The following IFT80 variants were observed in gnomAD, a reference collection of about 807,000 sequenced individuals.
IFT80 encodes intraflagellar transport protein 80 homolog.
IFT80 carries 79 observed loss-of-function variants against 107.9 expected under a neutral mutation model. The observed-to-expected ratio is 0.73, with a 90% CI of 0.61 to 0.88. The LOEUF is 0.88. IFT80 is among the 40% of genes least tolerant of loss of function. The pLI is 0.00. For synonymous variants in IFT80, 299 were observed against 300.9 expected, an observed-to-expected ratio of 0.99 and a Z score of 0.07; for missense variants, 797 against 914.2, an observed-to-expected ratio of 0.87 and a Z score of 1.65.
chr3:160,354,687 A>C (rs952260368), intron 8 of IFT80, among the ~76,000 whole-genome samples: 1 of 152,088 alleles, frequency 6.6e-6, no homozygotes, highest in Non-Finnish European at 1.5e-5. Context: ...AAATAAAAAG[A>C]ATGAATGGGA....
intron 8 of IFT80, among the ~76,000 whole-genome samples, chr3:160,351,611 A>G (rs1720710816): frequency 6.8e-6 from 1 of 147,654 alleles, no homozygotes; most frequent in Non-Finnish European, 1.5e-5. Context: ...ATATTTGTAT[A>G]TATTATATAT....
chr3:160,278,096 T>C (rs1176425248), intron 16 of IFT80, among the ~76,000 whole-genome samples: 3 of 152,162 alleles, frequency 2.0e-5, no homozygotes, highest in Non-Finnish European at 4.4e-5. Context: ...CAGAAGTCCT[T>C]TACGATAAGG....
chr3:160,336,930 C>T (rs1719522378), intron 8 of IFT80, among the ~76,000 whole-genome samples: 1 of 152,140 alleles, frequency 6.6e-6, no homozygotes, highest in Admixed American at 6.6e-5. Context: ...TATTTGTTCT[C>T]CACTATAAGC....
intron 9 of IFT80, among the ~76,000 whole-genome samples, chr3:160,312,984 TAA>T (rs1200932397): frequency 2.8e-5 from 2 of 72,582 alleles, no homozygotes; most frequent in African/African-American, 6.0e-5. Context: ...TAATATATAA[TAA>T]ATATATATTA....
At chr3:160,368,963 G>T (rs1441399411) in intron 5 of IFT80, among the ~76,000 whole-genome samples, 1 of 151,882 alleles carries the variant, frequency 6.6e-6, no homozygotes, top group Non-Finnish European at 1.5e-5. Context: ...TTTAGTTGTG[G>T]TAAAAGGCAC....
In IFT80 at chr3:160,354,414, C is replaced by T. The variant is rs140684061; in HGVS notation, c.777+1599G>A. 2.6e-5 allele frequency among the ~76,000 whole-genome samples: 4 copies of T among 152,206 alleles called. No individual in the cohort carries two copies. In the East Asian group the frequency reaches 7.7e-4, roughly 29 times the overall value. The stretch of plus-strand genomic sequence containing the variant: ...GCTGTAATCCCAGCACTTTGGGAGG[C>T]TGAGGTGGGTGGATCACTAGGTCAG... On this transcript the variant is annotated intron_variant, in intron 8 of 19. Transcript: ENST00000326448.
intron 8 of IFT80, among the ~76,000 whole-genome samples, chr3:160,344,497 A>G (rs921030437): frequency 7.2e-5 from 11 of 152,308 alleles, no homozygotes; most frequent in Admixed American, 5.9e-4. Context: ...CTACTAAAAG[A>G]AAGCATTGGG....
chr3:160,308,989 G>A (rs1717028530), intron 9 of IFT80, among the ~76,000 whole-genome samples: 1 of 152,190 alleles, frequency 6.6e-6, no homozygotes, highest in Non-Finnish European at 1.5e-5. Context: ...CACTAAATCT[G>A]CTGGCACCTT....
intron 19 of IFT80, among the ~76,000 whole-genome samples, chr3:160,263,926 C>T (rs1713070474): frequency 1.3e-5 from 2 of 152,188 alleles, no homozygotes; most frequent in Admixed American, 6.5e-5. Context: ...CCACCTCGGC[C>T]TCCCAAAGTG....
intron 8 of IFT80, among the ~76,000 whole-genome samples, chr3:160,339,950 T>C (rs1276054109): frequency 2.0e-5 from 3 of 152,158 alleles, no homozygotes; most frequent in Non-Finnish European, 2.9e-5. Context: ...TGTGGGCAAA[T>C]ATCACTGGCA....
chr3:160,349,648 T>G (rs1361520730), intron 8 of IFT80, among the ~76,000 whole-genome samples: 16 of 152,140 alleles, frequency 1.1e-4, no homozygotes, highest in African/African-American at 3.9e-4. Context: ...TTACAGATTA[T>G]GAGAGAAACA....
rs753617262 is a variant in IFT80, at chr3:160,303,940, C to G, written c.1126G>C (p.Val376Leu). 9.7e-5 allele frequency: 156 copies of G among 1,610,932 alleles called. No individual in the cohort carries two copies. Among genetic ancestry groups the G allele is most frequent in the Non-Finnish European group, 1.3e-4 (150 of 1,177,510 alleles). Reference sequence around the variant, plus strand: ...CTTTCTGCCTGCAGAATCAAACTAACAGTTCCTTCTTTGAGATCAAATATA... The same window carrying G: ...CTTTCTGCCTGCAGAATCAAACTAAGAGTTCCTTCTTTGAGATCAAATATA... ...PIIFDLKEGT[V>L]SLILQAERHF... The change falls in exon 11 of 20, where the codon GTT becomes CTT. Residue 376 changes from valine to leucine, a missense_variant. Val to Leu is a conservative substitution (Grantham distance 32). Coordinates refer to ENST00000326448, the MANE Select transcript of IFT80 (RefSeq NM_020800.3).
intron 1 of IFT80, among the ~76,000 whole-genome samples, chr3:160,387,360 C>T (rs1267198022): frequency 2.0e-5 from 3 of 151,980 alleles, no homozygotes; most frequent in Non-Finnish European, 2.9e-5. Flanking sequence ...AAAAATTAGC[C>T]GGGTGTGGTG....
intron 8 of IFT80, among the ~76,000 whole-genome samples, chr3:160,328,078 G>A (rs1229669863): frequency 6.6e-6 from 1 of 152,154 alleles, no homozygotes; most frequent in East Asian, 1.9e-4. Flanking sequence ...ACAGTCATAT[G>A]AAAGCAAGCT....
intron 12 of IFT80, among the ~76,000 whole-genome samples, chr3:160,290,199 G>A (rs1178838861): frequency 1.3e-5 from 2 of 151,992 alleles, no homozygotes; most frequent in African/African-American, 4.8e-5. Flanking sequence ...TTGAGGTTAG[G>A]AGTTTGAGAC....
chr3:160,355,040 A>G (rs1400900804), intron 8 of IFT80, among the ~76,000 whole-genome samples: 1 of 152,196 alleles, frequency 6.6e-6, no homozygotes, highest in Non-Finnish European at 1.5e-5. Flanking sequence ...AAACAGCCAC[A>G]CTCAAACTCT....
At chr3:160,339,301 C>T (rs1224039132) in intron 8 of IFT80, among the ~76,000 whole-genome samples, 2 of 152,062 alleles carry the variant, frequency 1.3e-5, no homozygotes, top group Admixed American at 6.6e-5. Context: ...GAGACTACAA[C>T]ATAATATTGA....
intron 8 of IFT80, among the ~76,000 whole-genome samples, chr3:160,327,618 G>C (rs1718765825): frequency 6.6e-6 from 1 of 152,130 alleles, no homozygotes; most frequent in African/African-American, 2.4e-5. Context: ...AAATGGTGTT[G>C]GGAGAACTGG....
At chr3:160,336,264 G>T (rs1442079671) in intron 8 of IFT80, among the ~76,000 whole-genome samples, 1 of 152,108 alleles carries the variant, frequency 6.6e-6, no homozygotes, top group Non-Finnish European at 1.5e-5. Context: ...GGTCTCCTGT[G>T]AGCACCAGGA....
Sources: gnomAD v4.1 joint callset for allele counts (sites outside exome capture counted in the v4.1 genomes callset) on GRCh38, gnomAD v4.1.1 for gene constraint, MANE v1.5 for transcripts, NCBI Gene and HGNC (gene_info 2026-07-23, HGNC 2026-07-21) for gene names.